IL23R: variants seen among roughly 807,000 people sequenced by gnomAD.
The protein encoded by IL23R is interleukin 23 receptor.
Under a neutral mutation model 56.9 loss-of-function variants are expected in IL23R, and 34 were observed. That is an observed-to-expected ratio of 0.60 (90% CI 0.45 to 0.80). The LOEUF (loss-of-function observed/expected upper bound fraction) is 0.80. Among genes scored for constraint, IL23R ranks in the 30% least tolerant of loss-of-function variants. The probability of loss-of-function intolerance (pLI) is 0.00; values close to 1 mark genes in which losing one functional copy is unlikely to be tolerated. For synonymous variants in IL23R, 230 were observed against 249.2 expected, an observed-to-expected ratio of 0.92 and a Z score of 0.73; for missense variants, 635 against 730.0, an observed-to-expected ratio of 0.87 and a Z score of 1.50.
chr1:67,203,641 A>G (rs1648791835), intron 5 of IL23R, among the ~76,000 whole-genome samples: 1 of 152,220 alleles, frequency 6.6e-6, no homozygotes, highest in Admixed American at 6.5e-5. Context: ...AAACCACCAG[A>G]TTATTAACAG....
At chr1:67,247,805 C>T (rs990036815) in intron 9 of IL23R, among the ~76,000 whole-genome samples, 11 of 152,100 alleles carry the variant, frequency 7.2e-5, no homozygotes, top group Admixed American at 1.3e-4. Context: ...GTAAGGCAGG[C>T]CTGGTGGTGA....
intron 6 of IL23R, among the ~76,000 whole-genome samples, chr1:67,208,990 AT>A (rs1435533098): frequency 6.6e-6 from 1 of 152,184 alleles, no homozygotes; most frequent in Non-Finnish European, 1.5e-5. Context: ...TTTTATCAGC[AT>A]AACCTGGATG....
intron 7 of IL23R, among the ~76,000 whole-genome samples, chr1:67,229,698 GCA>G (rs1650972791): frequency 6.6e-6 from 1 of 152,128 alleles, no homozygotes. Context: ...ACCACTTTGG[GCA>G]TTCTAAGGAT....
chr1:67,230,437 A>G (rs1393583795), intron 7 of IL23R, among the ~76,000 whole-genome samples: 6 of 152,024 alleles, frequency 3.9e-5, no homozygotes, highest in Non-Finnish European at 5.9e-5. Context: ...GAAGCTGTCC[A>G]TTCTTTCATA....
At chr1:67,220,447 TA>T (rs1258754147) in intron 7 of IL23R, among the ~76,000 whole-genome samples, 1 of 152,120 alleles carries the variant, frequency 6.6e-6, no homozygotes, top group Non-Finnish European at 1.5e-5. Context: ...TTTTTCTCTT[TA>T]CCTTTGACCA....
rs773929382 is a variant in IL23R at position 67,258,991 on chromosome 1, C to T, written c.1753C>T (p.Pro585Ser). ...AAATGATTCACCCAGTGAAACTATT[C>T]CAGAACAGACCCTGCTTCCTGATGA... ...LENDSPSETI[P>S]EQTLLPDEFV... Residue 585 changes from proline to serine, a missense_variant, in exon 11 of 11, where the codon CCA becomes TCA. Transcript: ENST00000347310. The T allele has an allele frequency of 5.0e-6, 8 of 1,614,024 alleles. No homozygotes were observed. The South Asian group carries it at 5.5e-5, about 11-fold the overall frequency.
At chr1:67,252,276 G>A (rs1166442443) in intron 9 of IL23R, among the ~76,000 whole-genome samples, 1 of 152,074 alleles carries the variant, frequency 6.6e-6, no homozygotes, top group African/African-American at 2.4e-5. Context: ...CAAAGGTGTA[G>A]AAAACCAAAA....
intron 9 of IL23R, among the ~76,000 whole-genome samples, chr1:67,242,878 GAATGAAATCCCTTATAAATATTTA>G (rs560609660): frequency 3.5e-4 from 54 of 152,254 alleles, no homozygotes; most frequent in African/African-American, 1.3e-3. Flanking sequence ...AGTGACAATT[GAATGAAATCCCTTATAAATATTTA>G]AATGTCCAAT....
At chr1:67,179,763 T>G (rs12189431) in intron 3 of IL23R, among the ~76,000 whole-genome samples, 1 of 152,234 alleles carries the variant, frequency 6.6e-6, no homozygotes, top group African/African-American at 2.4e-5. Context: ...TTTAGTGCTA[T>G]AAATTTCCCT....
At chr1:67,164,762 T>C (rs1465751099), upstream of IL23R, among the ~76,000 whole-genome samples, 2 of 152,236 alleles carry the variant, frequency 1.3e-5, no homozygotes, top group East Asian at 1.9e-4. Context: ...GTTGGAGTCA[T>C]ATGTTGCTTA....
At chr1:67,177,369 T>C (rs2102569643) in intron 3 of IL23R, among the ~76,000 whole-genome samples, 1 of 152,340 alleles carries the variant, frequency 6.6e-6, no homozygotes, top group East Asian at 1.9e-4. Flanking sequence ...TGATGGCCAG[T>C]GATGATGAGC....
chr1:67,245,226 G>T (rs938408606), intron 9 of IL23R, among the ~76,000 whole-genome samples: 1 of 152,156 alleles, frequency 6.6e-6, no homozygotes, highest in South Asian at 2.1e-4. Context: ...AGATGATGGG[G>T]TTTTCTAAAT....
intron 7 of IL23R, among the ~76,000 whole-genome samples, chr1:67,225,111 C>T (rs1362923697): frequency 6.6e-6 from 1 of 152,178 alleles, no homozygotes; most frequent in Non-Finnish European, 1.5e-5. Context: ...GGTCCTGCAT[C>T]CGCCTGTGAA....
chr1:67,147,238 C>T (rs2102528686), intron 1 of IL23R, among the ~76,000 whole-genome samples: 1 of 152,230 alleles, frequency 6.6e-6, no homozygotes, highest in African/African-American at 2.4e-5. Flanking sequence ...CCCTGACATA[C>T]CTGAAGTTAC....
At chr1:67,209,663 T>A (rs1649323466) in intron 6 of IL23R, among the ~76,000 whole-genome samples, 1 of 152,202 alleles carries the variant, frequency 6.6e-6, no homozygotes, top group South Asian at 2.1e-4. Flanking sequence ...CTCCAGTGTG[T>A]CTTTATCAAC....
At chr1:67,253,162 T>C (rs1652742713) in intron 9 of IL23R, among the ~76,000 whole-genome samples, 1 of 152,220 alleles carries the variant, frequency 6.6e-6, no homozygotes, top group African/African-American at 2.4e-5. Flanking sequence ...GTGACAATTT[T>C]TAAATTTGTC....
chr1:67,202,222 GGC>G, intron 5 of IL23R, among the ~76,000 whole-genome samples: 1 of 150,666 alleles, frequency 6.6e-6, no homozygotes, highest in African/African-American at 2.5e-5. Flanking sequence ...CTTTTTTTGA[GGC>G]AGAGTCTCAC....
At chr1:67,141,633 T>C (rs1189732662) in intron 1 of IL23R, among the ~76,000 whole-genome samples, 1 of 152,016 alleles carries the variant, frequency 6.6e-6, no homozygotes, top group Non-Finnish European at 1.5e-5. Context: ...GTGATGCATA[T>C]CTGCAGTCCA....
chr1:67,209,466 A>G (rs1275040367), intron 6 of IL23R, among the ~76,000 whole-genome samples: 3 of 152,112 alleles, frequency 2.0e-5, no homozygotes, highest in Admixed American at 2.0e-4. Context: ...TTCCCATACT[A>G]TTCTCATGAT....
Sources: gnomAD v4.1 joint callset for allele counts (sites outside exome capture counted in the v4.1 genomes callset) on GRCh38, gnomAD v4.1.1 for gene constraint, MANE v1.5 for transcripts, NCBI Gene and HGNC (gene_info 2026-07-23, HGNC 2026-07-21) for gene names.